Variants in ACBD3 observed in about 807,000 individuals in gnomAD.
ACBD3 encodes Golgi resident protein GCP60.
In ACBD3, 30 loss-of-function variants were observed where a neutral mutation model predicts 66.9. The ratio of observed to expected loss-of-function variants is 0.45; its 90% CI spans 0.34 to 0.61. The LOEUF (loss-of-function observed/expected upper bound fraction) is 0.61, where lower values mean the gene tolerates loss of function less well. Ranked by LOEUF, ACBD3 falls within the 20% of genes least tolerant of loss-of-function variation. The pLI is 0.02. For missense variants in ACBD3, 544 were observed against 664.5 expected, an observed-to-expected ratio of 0.82 and a Z score of 1.99; for synonymous variants, 278 against 259.8, an observed-to-expected ratio of 1.07 and a Z score of -0.68.
intron 1 of ACBD3, among the ~76,000 whole-genome samples, chr1:226,169,138 C>T (rs1243186336): frequency 6.6e-6 from 1 of 152,226 alleles, no homozygotes; most frequent in African/African-American, 2.4e-5. Flanking sequence ...ATTGAGATTA[C>T]AGGCGTGAGC....
At chr1:226,176,064 G>A (rs570641817) in intron 1 of ACBD3, among the ~76,000 whole-genome samples, 9 of 152,288 alleles carry the variant, frequency 5.9e-5, no homozygotes, top group African/African-American at 2.2e-4. Flanking sequence ...CTTATAAATG[G>A]AAGGGAAGAA....
chr1:226,183,026 G>A (rs1487550609), intron 1 of ACBD3, among the ~76,000 whole-genome samples: 2 of 152,064 alleles, frequency 1.3e-5, no homozygotes, highest in African/African-American at 4.8e-5. Context: ...AATTGATTCA[G>A]TCACTGGCCT....
chr1:226,177,842 A>G (rs1392626271), intron 1 of ACBD3, among the ~76,000 whole-genome samples: 1 of 151,536 alleles, frequency 6.6e-6, no homozygotes, highest in East Asian at 1.9e-4. Context: ...TCCCAGGTTC[A>G]TGTGATTCTC....
chr1:226,176,032 G>A (rs1656023391), intron 1 of ACBD3, among the ~76,000 whole-genome samples: 1 of 152,162 alleles, frequency 6.6e-6, no homozygotes. Flanking sequence ...ACTCATGTGG[G>A]CCCAATGTAA....
At chr1:226,170,058 T>C (rs1324906551) in intron 1 of ACBD3, among the ~76,000 whole-genome samples, 1 of 150,148 alleles carries the variant, frequency 6.7e-6, no homozygotes, top group Non-Finnish European at 1.5e-5. Flanking sequence ...ACCTGTGTCA[T>C]TTTATCTTGA....
chr1:226,179,355 A>C (rs548564257), intron 1 of ACBD3, among the ~76,000 whole-genome samples: 1 of 152,090 alleles, frequency 6.6e-6, no homozygotes, highest in Non-Finnish European at 1.5e-5. Flanking sequence ...TTTAACCCTA[A>C]AGGATGATGC....
At chr1:226,161,452 C>T in intron 4 of ACBD3, 79 bp downstream of exon 4, 1 of 1,591,028 alleles carries the variant, frequency 6.3e-7, no homozygotes, top group Non-Finnish European at 8.5e-7. Flanking sequence ...ACCACCACAC[C>T]TGGCCCGCTC....
rs939070171 is a variant in ACBD3, at chr1:226,152,541, T to C, written c.1169A>G (p.Asp390Gly). Residue 390 changes from aspartate to glycine, a missense_variant, in exon 7 of 8, where the codon GAT becomes GGT. Asp to Gly is a moderately conservative substitution (Grantham distance 94). This residue lies in a region of ACBD3 where 383 missense variants were observed against 462.4 expected (regional missense o/e 0.83). Transcript: ENST00000366812. ...IKDFKEKIQQDADSVITVGRG... is the reference protein window; with the variant it reads ...IKDFKEKIQQGADSVITVGRG... Reference sequence around the variant, plus strand: ...GCCCACTGTAATCACGGAATCTGCATCCTGCTGAATCTTCTCTTTGAAGTC... The same window carrying C: ...GCCCACTGTAATCACGGAATCTGCACCCTGCTGAATCTTCTCTTTGAAGTC... 15 of 1,614,118 alleles carry C rather than the reference T, an allele frequency of 9.3e-6. No individual in the cohort carries two copies. The highest frequency in any genetic ancestry group is 1.3e-5 in the Non-Finnish European group (15 of 1,180,048).
At chr1:226,174,072 T>C (rs1655962021) in intron 1 of ACBD3, among the ~76,000 whole-genome samples, 1 of 151,994 alleles carries the variant, frequency 6.6e-6, no homozygotes, top group Non-Finnish European at 1.5e-5. Context: ...CAAGAATAAT[T>C]TTCTTCTAAA....
At chr1:226,151,368 T>C (rs1375652709) in intron 7 of ACBD3, among the ~76,000 whole-genome samples, 1 of 152,226 alleles carries the variant, frequency 6.6e-6, no homozygotes, top group Non-Finnish European at 1.5e-5. Context: ...ATTAAGTGTA[T>C]ATAAACAAAC....
chr1:226,161,715 C>G (rs1659779223), intron 3 of ACBD3, 26 bp from the exon 4 acceptor site: 1 of 1,541,758 alleles, frequency 6.5e-7, no homozygotes, highest in Non-Finnish European at 8.7e-7. Context: ...AGAGAATGAA[C>G]CCTATACGTT....
At chr1:226,173,792 A>C in intron 1 of ACBD3, among the ~76,000 whole-genome samples, 2 of 110,922 alleles carry the variant, frequency 1.8e-5, no homozygotes, top group Admixed American at 1.4e-4. Context: ...ACAGAGTCTC[A>C]CTCTGTTGCC....
In ACBD3 at chr1:226,152,537, T is replaced by G; in HGVS notation, c.1173A>C (p.Ala391=). 6.2e-7 allele frequency: 1 copy of G among 1,614,228 alleles called. No homozygotes were observed. The highest frequency in any genetic ancestry group is 1.1e-5 in the South Asian group (1 of 91,090). The change falls in exon 7 of 8, where the codon GCA becomes GCC. Residue 391 remains alanine, a synonymous_variant. Transcript: ENST00000366812. ...KDFKEKIQQD[A]DSVITVGRGE... is the part of the protein sequence containing the mutation. ...CTCGGCCCACTGTAATCACGGAATC[T>G]GCATCCTGCTGAATCTTCTCTTTGA... is the stretch of plus-strand genomic sequence containing the variant.
intron 5 of ACBD3, among the ~76,000 whole-genome samples, chr1:226,155,686 G>A (rs1659658621): frequency 6.6e-6 from 1 of 152,026 alleles, no homozygotes; most frequent in Non-Finnish European, 1.5e-5. Context: ...TAACATAATT[G>A]ACCCCAAAAA....
chr1:226,159,394 A>G, intron 4 of ACBD3, 36 bp from the exon 5 acceptor site: 2 of 1,595,802 alleles, frequency 1.3e-6, no homozygotes, highest in South Asian at 2.2e-5. Flanking sequence ...TAGTCTGGCT[A>G]CAGGAGATTG....
intron 1 of ACBD3, among the ~76,000 whole-genome samples, chr1:226,181,252 T>C (rs1656164807): frequency 6.6e-6 from 1 of 152,180 alleles, no homozygotes; most frequent in Non-Finnish European, 1.5e-5. Context: ...TATCTGAGGA[T>C]AGACCACTGA....
At position 226,186,489 on chromosome 1, in the gene ACBD3, C is replaced by A. The variant is rs757942428; in HGVS notation, c.187G>T (p.Ala63Ser). The stretch of plus-strand genomic sequence containing the variant: ...TCCTCCGCCGCGCCCCCAGCCGCCG[C>A]CTCCCCGGGCTCGGGCTGCTCCCCT... ...ASGEQPEPGE[A>S]AAGGAAEEAR... The change falls in exon 1 of 8, where the codon GCG becomes TCG. Residue 63 changes from alanine (A) to serine (S), a missense_variant. Around this residue, in one of 3 missense-constraint regions of ACBD3, gnomAD observed 137 missense variants for 145.9 expected, o/e 0.94. Transcript: ENST00000366812. The A allele has an allele frequency of 2.0e-6, 3 of 1,487,562 alleles. No individual in the cohort carries two copies. In the African/African-American group the frequency reaches 4.4e-5, roughly 22 times the overall value. 92.1% of individuals were successfully genotyped at this position (1,487,562 alleles called of 1,614,324 possible).
chr1:226,164,774 G>A lies in ACBD3; in HGVS notation c.569+15C>T. 1.2e-6 allele frequency: 2 copies of A among 1,605,610 alleles called. No homozygotes were observed. The highest frequency in any genetic ancestry group is 8.5e-7 in the Non-Finnish European group (1 of 1,176,186). On this transcript the variant is annotated intron_variant, in intron 3 of 7. Transcript: ENST00000366812. ...GCTGCGCAGCAATAAAGTATTCCAT[G>A]CCCTCAAACTTCACCTTTTTTTTTC...
intron 5 of ACBD3, among the ~76,000 whole-genome samples, chr1:226,157,384 T>C (rs992083255): frequency 1.3e-5 from 2 of 152,054 alleles, no homozygotes; most frequent in Non-Finnish European, 2.9e-5. Context: ...AGATTACAGA[T>C]GTGTACCAAC....
Sources: gnomAD v4.1 joint callset for allele counts (sites outside exome capture counted in the v4.1 genomes callset) on GRCh38, gnomAD v4.1.1 for gene constraint, gnomAD v4.1.1 regional missense constraint, MANE v1.5 for transcripts, NCBI Gene and HGNC (gene_info 2026-07-23, HGNC 2026-07-21) for gene names.